MAD1L1: variants seen among roughly 807,000 people sequenced by gnomAD.
The protein encoded by MAD1L1 is mitotic arrest deficient 1 like 1, also known as mitotic spindle assembly checkpoint protein MAD1.
A neutral mutation model predicts 96.9 loss-of-function variants in MAD1L1; 95 were observed. The ratio of observed to expected loss-of-function variants is 0.98; its 90% confidence interval spans 0.83 to 1.16. The LOEUF is 1.16. Among genes scored for constraint, MAD1L1 ranks in the 50% most tolerant of loss-of-function variants. MAD1L1 has a pLI of 0.00. For missense variants in MAD1L1, 1,007 were observed against 954.4 expected (o/e 1.06, Z -0.73); for synonymous variants, 473 against 396.6 (o/e 1.19, Z -2.29).
intron 18 of MAD1L1, among the ~76,000 whole-genome samples, chr7:1,832,248 G>A (rs1782735472): frequency 6.6e-6 from 1 of 152,138 alleles, no homozygotes; most frequent in Non-Finnish European, 1.5e-5. Flanking sequence ...GGTCAGTGGA[G>A]GAAGATGGAC....
At chr7:1,873,076 C>A (rs983291728) in intron 18 of MAD1L1, among the ~76,000 whole-genome samples, 1 of 152,266 alleles carries the variant, frequency 6.6e-6, no homozygotes, top group African/African-American at 2.4e-5. Flanking sequence ...CAGGGAAGGG[C>A]TGCATGCCGA....
intron 11 of MAD1L1, among the ~76,000 whole-genome samples, chr7:2,094,821 C>T (rs892939446): frequency 2.0e-5 from 3 of 152,150 alleles, no homozygotes; most frequent in African/African-American, 7.2e-5. Flanking sequence ...AAAAGTGACC[C>T]AGGGCGATGG....
At chr7:2,164,286 C>CA (rs143802165) in intron 10 of MAD1L1, among the ~76,000 whole-genome samples, 39 of 152,318 alleles carry the variant, frequency 2.6e-4, no homozygotes, top group Middle Eastern at 3.4e-3. Context: ...ATGGGAGAGG[C>CA]AAGAGAACAG....
chr7:1,942,288 G>A (rs1384971300), intron 16 of MAD1L1, among the ~76,000 whole-genome samples: 3 of 152,180 alleles, frequency 2.0e-5, no homozygotes, highest in South Asian at 4.1e-4. Flanking sequence ...AGGAGGCCAC[G>A]CCTGAGCCCC....
chr7:1,871,842 C>A (rs1785127143), intron 18 of MAD1L1, among the ~76,000 whole-genome samples: 1 of 152,158 alleles, frequency 6.6e-6, no homozygotes, highest in African/African-American at 2.4e-5. Flanking sequence ...GCTCGGAGCC[C>A]CAGAGGAGAT....
chr7:1,880,505 T>C (rs1263722552), intron 18 of MAD1L1, among the ~76,000 whole-genome samples: 1 of 152,146 alleles, frequency 6.6e-6, no homozygotes, highest in Non-Finnish European at 1.5e-5. Flanking sequence ...CCCAAAGTCC[T>C]CCCCTCCTTG....
intron 1 of MAD1L1, 133 bp downstream of exon 1, chr7:2,232,724 CGGGCGCGGGGTCCTG>C (rs1345382948): frequency 6.6e-6 from 1 of 152,666 alleles, no homozygotes. Context: ...GGAGACGGGG[CGGGCGCGGGGTCCTG>C]AGGCACGGGG....
At chr7:2,083,859 G>C (rs2128540679) in intron 11 of MAD1L1, among the ~76,000 whole-genome samples, 1 of 152,358 alleles carries the variant, frequency 6.6e-6, no homozygotes, top group East Asian at 1.9e-4. Context: ...GTGAGTGTCT[G>C]CTGGGCCCAT....
chr7:1,941,820 A>C (rs1779014047), intron 16 of MAD1L1, among the ~76,000 whole-genome samples: 1 of 152,172 alleles, frequency 6.6e-6, no homozygotes, highest in Admixed American at 6.5e-5. Flanking sequence ...GGGCTCCATA[A>C]CTGGTGGCGT....
At chr7:2,059,193 G>A (rs1449090663) in intron 12 of MAD1L1, among the ~76,000 whole-genome samples, 1 of 133,108 alleles carries the variant, frequency 7.5e-6, no homozygotes, top group Non-Finnish European at 1.6e-5. Context: ...AGGGAGTGTG[G>A]CCAGAGGAGA....
At chr7:2,113,896 G>A (rs1040810449) in intron 11 of MAD1L1, among the ~76,000 whole-genome samples, 9 of 152,174 alleles carry the variant, frequency 5.9e-5, no homozygotes, top group African/African-American at 9.7e-5. Flanking sequence ...GCGGGGTCAC[G>A]ACGACAGGAG....
intron 12 of MAD1L1, among the ~76,000 whole-genome samples, chr7:2,056,592 C>A (rs183757373): frequency 1.6e-3 from 248 of 152,304 alleles, no homozygotes; most frequent in African/African-American, 5.6e-3. Context: ...CCAGGAGATA[C>A]CCACGTGAGC....
chr7:1,863,631 C>G (rs181365087), intron 18 of MAD1L1, among the ~76,000 whole-genome samples: 2 of 152,346 alleles, frequency 1.3e-5, no homozygotes, highest in Middle Eastern at 3.4e-3. Flanking sequence ...CCACACCCCA[C>G]GCGCTGGGCT....
chr7:1,985,744 C>T (rs4721284), intron 14 of MAD1L1, among the ~76,000 whole-genome samples: 5,129 of 151,682 alleles, frequency 0.034, 192 homozygotes, highest in East Asian at 0.086. Context: ...TAGTTTTCCC[C>T]GTGATTCGCC....
At chr7:2,093,072 CA>C (rs200308243) in intron 11 of MAD1L1, among the ~76,000 whole-genome samples, 78 of 141,130 alleles carry the variant, frequency 5.5e-4, no homozygotes, top group Middle Eastern at 3.5e-3. Context: ...CCCGTCTCTA[CA>C]AAAAAAAAAA....
intron 12 of MAD1L1, among the ~76,000 whole-genome samples, chr7:2,053,969 A>T (rs1414377244): frequency 6.6e-6 from 1 of 152,108 alleles, no homozygotes; most frequent in African/African-American, 2.4e-5. Context: ...CTGATGACAC[A>T]CCTGCCACCA....
At chr7:2,107,985 C>A (rs1030058140) in intron 11 of MAD1L1, among the ~76,000 whole-genome samples, 3 of 151,972 alleles carry the variant, frequency 2.0e-5, no homozygotes, top group Admixed American at 6.6e-5. Flanking sequence ...CACCCCCCCA[C>A]CCCCCACCAA....
At chr7:1,816,428 C>T (rs1483306141) in intron 18 of MAD1L1, among the ~76,000 whole-genome samples, 200 bp from the exon 19 acceptor site, 1 of 151,820 alleles carries the variant, frequency 6.6e-6, no homozygotes, top group Non-Finnish European at 1.5e-5. Context: ...GGCAAGGTCT[C>T]TGTTGTCTAC....
intron 12 of MAD1L1, among the ~76,000 whole-genome samples, chr7:2,018,076 C>T (rs1782622961): frequency 1.3e-5 from 2 of 152,192 alleles, no homozygotes; most frequent in East Asian, 1.9e-4. Flanking sequence ...GACGGAGGCA[C>T]CGCAGTGGGC....
Sources: allele counts gnomAD v4.1 joint callset (sites outside exome capture counted in the v4.1 genomes callset), GRCh38; gene constraint gnomAD v4.1.1; transcripts MANE v1.5; gene names NCBI Gene and HGNC (gene_info 2026-07-23, HGNC 2026-07-21).